Variants in MTSS2 observed in about 807,000 individuals in gnomAD.
MTSS2 encodes the protein MTSS I-BAR domain containing 2, also known as protein MTSS 2.
A neutral mutation model predicts 67.1 loss-of-function variants in MTSS2; 27 were observed. The ratio of observed to expected loss-of-function variants is 0.40; its 90% CI spans 0.30 to 0.55. MTSS2 has a LOEUF of 0.55. Among genes scored for constraint, MTSS2 ranks in the 20% least tolerant of loss-of-function variants. MTSS2 has a pLI of 0.43. For missense variants in MTSS2, 1,171 were observed against 1,067.8 expected, an observed-to-expected ratio of 1.10 and a Z score of -1.35; for synonymous variants, 624 against 468.6, an observed-to-expected ratio of 1.33 and a Z score of -4.28.
chr16:70,664,030 C>T lies in MTSS2; in HGVS notation c.1891G>A (p.Ala631Thr), dbSNP rs760190663. ...CTGAGCCTCTTTGGGGAGGCCTTGGCGAGGTCCGGTGCCAGGGGTGAGGCG... is the reference window on the plus strand; with the variant it reads ...CTGAGCCTCTTTGGGGAGGCCTTGGTGAGGTCCGGTGCCAGGGGTGAGGCG... Reference protein sequence around the residue: ...ETASPLAPDLAKASPKRLSLP... With the variant: ...ETASPLAPDLTKASPKRLSLP... Residue 631 changes from alanine to threonine, a missense_variant, in exon 15 of 15, where the codon GCC becomes ACC. Around this residue, in one of 2 missense-constraint regions of MTSS2, gnomAD observed 924 missense variants for 756.0 expected, o/e 1.22. Coordinates refer to ENST00000338779, the MANE Select transcript of MTSS2 (RefSeq NM_138383.3). The T allele has an allele frequency of 1.4e-5, 23 of 1,606,954 alleles. No individual in the cohort carries two copies. Among genetic ancestry groups the T allele is most frequent in the African/African-American group, 8.0e-5 (6 of 74,860 alleles).
chr16:70,678,980 G>C (rs1276007325), intron 7 of MTSS2, among the ~76,000 whole-genome samples: 2 of 152,234 alleles, frequency 1.3e-5, no homozygotes, highest in Non-Finnish European at 2.9e-5. Flanking sequence ...GGATGATGCA[G>C]AGGAGATGAT....
rs1283799880 is a variant in MTSS2 at position 70,663,547 on chromosome 16, A to G, written c.*130T>C. 3 of 1,409,280 alleles carry G rather than the reference A, an allele frequency of 2.1e-6. No individual in the cohort carries two copies. The highest frequency in any genetic ancestry group is 1.5e-5 in the African/African-American group (1 of 68,254). The allele number at this position is 1,409,280 out of a possible 1,614,324, so 87.3% of individuals were successfully genotyped here. A position where few individuals can be genotyped will look rare whatever the true frequency, so the allele number is the denominator to read the frequency against. ...TGGAATCCAAGTGAGGTGTCTTTCC[A>G]TAAAGTGGCATGGCCTCTGCCCTGG... is the stretch of plus-strand genomic sequence containing the variant. On this transcript the variant is annotated 3_prime_UTR_variant, in exon 15 of 15. Coordinates refer to ENST00000338779, the MANE Select transcript of MTSS2 (RefSeq NM_138383.3).
At chr16:70,678,503 G>A in intron 7 of MTSS2, 94 bp from the exon 8 acceptor site, 1 of 1,451,644 alleles carries the variant, frequency 6.9e-7, no homozygotes, top group Non-Finnish European at 9.2e-7. Flanking sequence ...GCATCTCTCG[G>A]CCGTTGGGCT....
chr16:70,673,229 G>C (rs1209101540), intron 11 of MTSS2, among the ~76,000 whole-genome samples: 1 of 152,080 alleles, frequency 6.6e-6, no homozygotes, highest in African/African-American at 2.4e-5. Flanking sequence ...TGAAAGACAT[G>C]AATACCAACA....
chr16:70,665,254 C>A, intron 12 of MTSS2, 158 bp from the exon 13 acceptor site: 1 of 963,888 alleles, frequency 1.0e-6, no homozygotes. Flanking sequence ...TGACTGTGGC[C>A]CCTCAGTCCC....
chr16:70,678,804 G>C (rs865976959), intron 7 of MTSS2, among the ~76,000 whole-genome samples: 24 of 152,210 alleles, frequency 1.6e-4, no homozygotes, highest in African/African-American at 5.8e-4. Flanking sequence ...ACAAGAGAGA[G>C]TGTGGGGCTC....
At chr16:70,674,169 A>G in intron 11 of MTSS2, 137 bp downstream of exon 11, 1 of 715,810 alleles carries the variant, frequency 1.4e-6, no homozygotes, top group Non-Finnish European at 2.3e-6. Flanking sequence ...AACAGAATAA[A>G]GGCCTTGGGG....
In MTSS2 at chr16:70,684,823, G is replaced by A. The variant is rs1441506463; in HGVS notation, c.69+900C>T. On this transcript the variant is annotated intron_variant, in intron 1 of 14. Transcript: ENST00000338779. The stretch of plus-strand genomic sequence containing the variant: ...TGCCTAGTCAGCGTAGGGCAGCCCT[G>A]CCAAACCCTGGCCTCATTTGGGGAG... Among the ~76,000 whole-genome samples, 3 of 152,210 alleles carry A rather than the reference G, an allele frequency of 2.0e-5. No homozygotes were observed. The East Asian group carries it at 5.8e-4, about 29-fold the overall frequency.
chr16:70,674,090 G>A (rs1024873821), intron 11 of MTSS2, among the ~76,000 whole-genome samples: 1 of 152,210 alleles, frequency 6.6e-6, no homozygotes, highest in Non-Finnish European at 1.5e-5. Context: ...CTGCTTACAA[G>A]AGACTCATTT....
chr16:70,680,577 C>T (rs962253399), intron 3 of MTSS2, among the ~76,000 whole-genome samples: 1 of 152,106 alleles, frequency 6.6e-6, no homozygotes, highest in African/African-American at 2.4e-5. Context: ...AGGGAATCCC[C>T]GGGGAACACT....
At chr16:70,678,646 G>A (rs3813908) in intron 7 of MTSS2, among the ~76,000 whole-genome samples, 1 of 152,080 alleles carries the variant, frequency 6.6e-6, no homozygotes, top group South Asian at 2.1e-4. Context: ...GCAAAGCCAC[G>A]CTGGATTGGG....
chr16:70,680,251 C>T (rs1430159795), intron 3 of MTSS2, among the ~76,000 whole-genome samples, 196 bp from the exon 4 acceptor site: 1 of 152,092 alleles, frequency 6.6e-6, no homozygotes, highest in East Asian at 1.9e-4. Flanking sequence ...GCCATCCCAG[C>T]CGCGCCAGCC....
At chr16:70,681,886 T>C (rs895543071) in intron 1 of MTSS2, among the ~76,000 whole-genome samples, 7 of 152,208 alleles carry the variant, frequency 4.6e-5, no homozygotes, top group African/African-American at 1.7e-4. Context: ...CCAAGGGCCC[T>C]GTGGAGGTTT....
At chr16:70,665,158 C>G in intron 12 of MTSS2, 62 bp from the exon 13 acceptor site, 1 of 1,518,952 alleles carries the variant, frequency 6.6e-7, no homozygotes, top group East Asian at 2.3e-5. Flanking sequence ...GCCCGGGGGC[C>G]CGTCACTGTG....
At chr16:70,676,225 C>A (rs2053111938) in intron 10 of MTSS2, among the ~76,000 whole-genome samples, 1 of 152,232 alleles carries the variant, frequency 6.6e-6, no homozygotes. Context: ...CAAACCCAGC[C>A]CCAGTGCCCA....
In MTSS2 at chr16:70,664,417, C is replaced by A; in HGVS notation, c.1504G>T (p.Asp502Tyr). 1 of 1,548,664 alleles carries A rather than the reference C, an allele frequency of 6.5e-7. No individual in the cohort carries two copies. The stretch of plus-strand genomic sequence containing the variant: ...TCGGGCGGGCCCTCGCTGTCCGCAT[C>A]CCCATTCACGGAGTAGCAGTCGTAG... ...SDYDCYSVNG[D>Y]ADSEGPPEFD... The change falls in exon 15 of 15, where the codon GAT becomes TAT. Residue 502 changes from aspartate to tyrosine, a missense_variant. Physicochemically the swap from Asp to Tyr is radical, Grantham distance 160. This residue lies in a region of MTSS2 where 924 missense variants were observed against 756.0 expected (regional missense o/e 1.22). Transcript: ENST00000338779.
At chr16:70,679,471 G>C (rs947267108) in intron 6 of MTSS2, 148 bp from the exon 7 acceptor site, 2 of 1,244,110 alleles carry the variant, frequency 1.6e-6, no homozygotes, top group African/African-American at 1.5e-5. Flanking sequence ...GGTTTGGGGG[G>C]AAGGGCAGCT....
At position 70,676,403 on chromosome 16, in the gene MTSS2, C is replaced by T. The variant is rs1048740122; in HGVS notation, c.830+478G>A. 5.3e-5 allele frequency among the ~76,000 whole-genome samples: 8 copies of T among 152,198 alleles called. No individual in the cohort carries two copies. In the East Asian group the frequency reaches 1.5e-3, roughly 29 times the overall value. On this transcript the variant is annotated intron_variant, in intron 10 of 14. Coordinates refer to ENST00000338779, the MANE Select transcript of MTSS2 (RefSeq NM_138383.3). ...GCCAGCCAGGCTGGAGTGTCCTATA[C>T]CTTATGGCCCCAACACTTGTTTCTA...
chr16:70,664,137 G>A lies in MTSS2; in HGVS notation c.1784C>T (p.Thr595Met), dbSNP rs146676721. The A allele has an allele frequency of 3.9e-5, 63 of 1,610,138 alleles. No homozygotes were observed. Among genetic ancestry groups the A allele is most frequent in the Middle Eastern group, 1.6e-4 (1 of 6,062 alleles). ...PIRPPIVPVK[T>M]PTVPDSPGYM... ...GCCGGGGGAGTCAGGCACCGTGGGCGTCTTCACAGGGACGATGGGCGGCCG... is the reference window on the plus strand; with the variant it reads ...GCCGGGGGAGTCAGGCACCGTGGGCATCTTCACAGGGACGATGGGCGGCCG... Residue 595 changes from threonine (T) to methionine (M), a missense_variant, in exon 15 of 15, where the codon ACG becomes ATG. Thr to Met is a moderately conservative substitution (Grantham distance 81). Around this residue, in one of 2 missense-constraint regions of MTSS2, gnomAD observed 924 missense variants for 756.0 expected, o/e 1.22. Coordinates refer to ENST00000338779, the MANE Select transcript of MTSS2 (RefSeq NM_138383.3).
Sources: gnomAD v4.1 joint callset for allele counts (sites outside exome capture counted in the v4.1 genomes callset) on GRCh38, gnomAD v4.1.1 for gene constraint, gnomAD v4.1.1 regional missense constraint, MANE v1.5 for transcripts, NCBI Gene and HGNC (gene_info 2026-07-23, HGNC 2026-07-21) for gene names.